Variants in N4BP2 observed in about 807,000 individuals in gnomAD.
N4BP2 encodes the protein NEDD4-binding protein 2.
A neutral mutation model predicts 152.8 loss-of-function variants in N4BP2; 91 were observed. The ratio of observed to expected loss-of-function variants is 0.60; its 90% CI spans 0.50 to 0.71. N4BP2 has a LOEUF of 0.71. N4BP2 is among the 30% of genes least tolerant of loss of function. The pLI, the probability that N4BP2 is intolerant of heterozygous loss-of-function variation, is 0.00. For missense variants in N4BP2, 1,923 were observed against 2,059.1 expected (o/e 0.93, Z 1.28); for synonymous variants, 646 against 705.3 (o/e 0.92, Z 1.33).
At chr4:40,074,824 T>A (rs1372308938) in intron 2 of N4BP2, among the ~76,000 whole-genome samples, 1 of 151,982 alleles carries the variant, frequency 6.6e-6, no homozygotes, top group Admixed American at 6.6e-5. Flanking sequence ...CTGGCTAACA[T>A]GGCAAAACTC....
intron 16 of N4BP2, among the ~76,000 whole-genome samples, chr4:40,148,485 G>C (rs985158664): frequency 6.6e-6 from 1 of 151,438 alleles, no homozygotes; most frequent in Non-Finnish European, 1.5e-5. Flanking sequence ...AGAGGGGGAG[G>C]GGGAGGGGGA....
At chr4:40,142,418 TTTTG>T (rs1720102113) in intron 14 of N4BP2, 3 of 367,194 alleles carry the variant, frequency 8.2e-6, no homozygotes, top group Non-Finnish European at 5.0e-6. Context: ...CCTAATTGTA[TTTTG>T]ATAATTTTAG....
At chr4:40,087,008 T>A (rs1357412609) in intron 2 of N4BP2, among the ~76,000 whole-genome samples, 1 of 152,268 alleles carries the variant, frequency 6.6e-6, no homozygotes, top group East Asian at 1.9e-4. Context: ...CTCAGCCTCC[T>A]AAAGTGCTGG....
chr4:40,129,295 C>T (rs545166180), intron 12 of N4BP2, among the ~76,000 whole-genome samples: 45 of 151,896 alleles, frequency 3.0e-4, no homozygotes, highest in South Asian at 2.9e-3. Flanking sequence ...GGCACAGTCT[C>T]GGCTCACTGC....
At chr4:40,159,345 A>G (rs1721793248), downstream of N4BP2, among the ~76,000 whole-genome samples, 1 of 152,230 alleles carries the variant, frequency 6.6e-6, no homozygotes, top group African/African-American at 2.4e-5. Flanking sequence ...CAAAATACTA[A>G]TGGCAAAAGG....
At position 40,135,857 on chromosome 4, in the gene N4BP2, A is replaced by G. The variant is rs138627960; in HGVS notation, c.4647-1087A>G. Among the ~76,000 whole-genome samples the G allele has an allele frequency of 2.4e-3, 365 of 152,282 alleles. 1 individual carries two copies. The highest frequency in any genetic ancestry group is 8.3e-3 in the African/African-American group (346 of 41,568). Reference sequence around the variant, plus strand: ...GTTGGGATTACAGGCGTGAGCCACCATGTCTGCCTAGTTAACCAGATTTCA... The same window carrying G: ...GTTGGGATTACAGGCGTGAGCCACCGTGTCTGCCTAGTTAACCAGATTTCA... On this transcript the variant is annotated intron_variant, in intron 13 of 17. Transcript: ENST00000261435.
intron 2 of N4BP2, among the ~76,000 whole-genome samples, chr4:40,089,670 C>G (rs68040934): frequency 0.18 from 27,135 of 152,076 alleles, 3,153 homozygotes; most frequent in Admixed American, 0.26. Context: ...CTCTTGAGCT[C>G]AAGTGATCTG....
rs149199322 is a variant in N4BP2 at position 40,121,500 on chromosome 4, C to T, written c.3389C>T (p.Thr1130Ile). ...WATSLLLDSE[T>I]KLCEDTEFEN... The stretch of plus-strand genomic sequence containing the variant: ...ACAAGCCTTTTGTTGGATTCTGAAA[C>T]TAAGTTATGTGAGGATACAGAGTTT... Residue 1130 changes from threonine to isoleucine, a missense_variant, in exon 9 of 18, where the codon ACT becomes ATT. Physicochemically the swap from Thr to Ile is moderately conservative, Grantham distance 89. Transcript: ENST00000261435. 125 of 1,614,004 alleles carry T rather than the reference C, an allele frequency of 7.7e-5. 1 individual carries two copies. The African/African-American group carries it at 1.5e-3, about 19-fold the overall frequency.
chr4:40,119,871 C>T, intron 8 of N4BP2, 61 bp from the exon 9 acceptor site: 1 of 745,888 alleles, frequency 1.3e-6, no homozygotes, highest in South Asian at 2.3e-5. Context: ...TTCTTTAAAT[C>T]ATAGTATTGA....
At chr4:40,179,518 C>T in the N4BP2 span, among the ~76,000 whole-genome samples, 9 of 152,178 alleles carry the variant, frequency 5.9e-5, no homozygotes, top group African/African-American at 2.2e-4. Context: ...TTAATCCTCA[C>T]AACAGCCATA....
chr4:40,114,845 A>G (rs2664200), intron 7 of N4BP2, among the ~76,000 whole-genome samples: 12,510 of 152,256 alleles, frequency 0.082, 973 homozygotes, highest in East Asian at 0.42. Flanking sequence ...TTTTTCCGTT[A>G]TAGCAACGTT....
intron 13 of N4BP2, among the ~76,000 whole-genome samples, chr4:40,135,397 T>C (rs1458284255): frequency 1.3e-4 from 19 of 151,682 alleles, no homozygotes; most frequent in East Asian, 3.9e-4. Context: ...TGAATAGTGC[T>C]GCAATAAACA....
At position 40,145,853 on chromosome 4, in the gene N4BP2, A is replaced by G. The variant is rs1579140652; in HGVS notation, c.5143+1053A>G. ...TGAAAAAATAGTTACATAAGTAATT[A>G]GCATTGTGATAAGAAAATACAAGTT... On this transcript the variant is annotated intron_variant, in intron 16 of 17. Transcript: ENST00000261435. Among the ~76,000 whole-genome samples the G allele has an allele frequency of 2.0e-5, 3 of 152,280 alleles. No homozygotes were observed. The South Asian group carries it at 6.2e-4, about 32-fold the overall frequency.
the N4BP2 span, among the ~76,000 whole-genome samples, chr4:40,190,339 G>T: frequency 1.1e-4 from 17 of 152,314 alleles, no homozygotes; most frequent in South Asian, 3.3e-3. Context: ...CAACCAGATG[G>T]CTTCAGGAGG....
chr4:40,141,438 C>T (rs1319483817), intron 14 of N4BP2, among the ~76,000 whole-genome samples: 1 of 151,904 alleles, frequency 6.6e-6, no homozygotes, highest in East Asian at 1.9e-4. Flanking sequence ...GCGCTCCTCA[C>T]ATCCCAGACG....
At chr4:40,132,285 A>G (rs1017960064) in intron 13 of N4BP2, among the ~76,000 whole-genome samples, 1 of 152,080 alleles carries the variant, frequency 6.6e-6, no homozygotes, top group African/African-American at 2.4e-5. Flanking sequence ...AGTATCTGGG[A>G]GATTGGTTAC....
chr4:40,136,905 C>A, intron 13 of N4BP2, 39 bp from the exon 14 acceptor site: 1 of 1,476,248 alleles, frequency 6.8e-7, no homozygotes, highest in South Asian at 1.2e-5. Context: ...AACTTATTTT[C>A]ATTTATTGAC....
intron 10 of N4BP2, 142 bp from the exon 11 acceptor site, chr4:40,124,018 T>C (rs1718170189): frequency 4.2e-6 from 2 of 478,260 alleles, no homozygotes; most frequent in Non-Finnish European, 7.6e-6. Context: ...TATCTAACTT[T>C]ATTGTTTTAC....
At chr4:40,076,200 G>C (rs1019638092) in intron 2 of N4BP2, among the ~76,000 whole-genome samples, 1 of 152,088 alleles carries the variant, frequency 6.6e-6, no homozygotes, top group African/African-American at 2.4e-5. Flanking sequence ...TTTTGGCCAG[G>C]TGCGGTGGCT....
Sources: gnomAD v4.1 joint callset for allele counts (sites outside exome capture counted in the v4.1 genomes callset) on GRCh38, gnomAD v4.1.1 for gene constraint, MANE v1.5 for transcripts, NCBI Gene and HGNC (gene_info 2026-07-23, HGNC 2026-07-21) for gene names.